Variants in FHL2 observed in about 807,000 individuals in gnomAD.
FHL2 encodes the protein four and a half LIM domains protein 2.
Under a neutral mutation model 32.7 loss-of-function variants are expected in FHL2, and 20 were observed. The ratio of observed to expected loss-of-function variants is 0.61; its 90% CI spans 0.43 to 0.89. The LOEUF is 0.89. FHL2 is among the 40% of genes least tolerant of loss of function. The pLI is 0.00. For synonymous variants in FHL2, 123 were observed against 128.1 expected (o/e 0.96, Z 0.27); for missense variants, 311 against 358.6 (o/e 0.87, Z 1.07).
At chr2:105,402,124 TACATATAC>T (rs986259627), upstream of FHL2, among the ~76,000 whole-genome samples, 3 of 149,634 alleles carry the variant, frequency 2.0e-5, no homozygotes, top group African/African-American at 4.9e-5. Context: ...TATACATATA[TACATATAC>T]ACATATACAC....
upstream of FHL2, among the ~76,000 whole-genome samples, chr2:105,403,337 A>T (rs1310465174): frequency 6.6e-6 from 1 of 152,230 alleles, no homozygotes; most frequent in Non-Finnish European, 1.5e-5. Context: ...AAATAAAAAC[A>T]AAAAGTACTA....
intron 1 of FHL2, among the ~76,000 whole-genome samples, chr2:105,406,631 G>C (rs756075473): frequency 6.6e-6 from 1 of 152,122 alleles, no homozygotes. Flanking sequence ...CTGGTCCCTT[G>C]AATTTCCAGG....
intron 3 of FHL2, among the ~76,000 whole-genome samples, chr2:105,383,811 C>T (rs6733036): frequency 0.13 from 19,772 of 152,228 alleles, 1,416 homozygotes; most frequent in Middle Eastern, 0.18. Flanking sequence ...AAGAAAAGCA[C>T]GCCTAAAGCA....
chr2:105,410,420 A>T (rs1286037287), intron 1 of FHL2, among the ~76,000 whole-genome samples: 1 of 152,068 alleles, frequency 6.6e-6, no homozygotes, highest in Non-Finnish European at 1.5e-5. Context: ...TGGAGAGGTG[A>T]GAGTTAAACT....
At chr2:105,374,856 T>C (rs1046207372) in intron 3 of FHL2, among the ~76,000 whole-genome samples, 6 of 152,252 alleles carry the variant, frequency 3.9e-5, no homozygotes, top group African/African-American at 1.2e-4. Flanking sequence ...ATCATCCATT[T>C]ATACATGAGG....
upstream of FHL2, chr2:105,399,089 C>G (rs1006746394): frequency 1.3e-5 from 19 of 1,485,750 alleles, no homozygotes; most frequent in African/African-American, 2.5e-4. Context: ...GAAACCCCGC[C>G]GTGTCATTTG....
chr2:105,425,500 T>G (rs1684234831), intron 1 of FHL2, among the ~76,000 whole-genome samples: 1 of 151,388 alleles, frequency 6.6e-6, no homozygotes, highest in African/African-American at 2.4e-5. Context: ...TGAGGTGGAT[T>G]AGTAAAAGAG....
upstream of FHL2, chr2:105,399,422 G>C: frequency 6.5e-7 from 1 of 1,536,192 alleles, no homozygotes; most frequent in Middle Eastern, 1.7e-4. Context: ...CGTGCCGGGG[G>C]AGGCGGAGGG....
At chr2:105,358,215 G>C (rs994226520), downstream of FHL2, 1 of 152,148 alleles carries the variant, frequency 6.6e-6, no homozygotes, top group African/African-American at 2.4e-5. Context: ...AAGATTTCTC[G>C]TTCTCCGTAC....
intron 1 of FHL2, among the ~76,000 whole-genome samples, chr2:105,436,969 A>T (rs762048971): frequency 6.6e-6 from 1 of 152,154 alleles, no homozygotes; most frequent in Non-Finnish European, 1.5e-5. Context: ...GAAAGAGTGC[A>T]GGTCCCTGTG....
At chr2:105,380,798 C>A (rs116735769) in intron 3 of FHL2, among the ~76,000 whole-genome samples, 1,777 of 152,212 alleles carry the variant, frequency 0.012, 40 homozygotes, top group African/African-American at 0.041. Flanking sequence ...AAAAAAAAGT[C>A]TTTTATACTT....
chr2:105,374,056 AC>A, intron 3 of FHL2: 1 of 355,530 alleles, frequency 2.8e-6, no homozygotes, highest in Non-Finnish European at 5.3e-6. Context: ...AAACATGAAC[AC>A]CTATCAATTC....
chr2:105,370,212 C>CCG, intron 4 of FHL2, among the ~76,000 whole-genome samples: 1 of 151,838 alleles, frequency 6.6e-6, no homozygotes, highest in South Asian at 2.1e-4. Flanking sequence ...GTCTCTACCC[C>CCG]CCCAAAAAAA....
At chr2:105,369,381 C>T (rs1319872572) in intron 4 of FHL2, among the ~76,000 whole-genome samples, 2 of 152,116 alleles carry the variant, frequency 1.3e-5, no homozygotes, top group African/African-American at 2.4e-5. Context: ...AAATGTCTGT[C>T]CTCCAGTAAT....
chr2:105,396,457 C>G (rs1683136452), intron 2 of FHL2, among the ~76,000 whole-genome samples, 190 bp downstream of exon 2: 1 of 152,188 alleles, frequency 6.6e-6, no homozygotes. Context: ...GGAGAGCAGC[C>G]TGCTTTACTC....
chr2:105,394,267 A>T (rs375842742), intron 2 of FHL2, among the ~76,000 whole-genome samples: 1 of 152,180 alleles, frequency 6.6e-6, no homozygotes, highest in African/African-American at 2.4e-5. Flanking sequence ...TTGCTGTTTT[A>T]TAAACTAGAA....
At chr2:105,433,733 G>T (rs1228367493) in intron 1 of FHL2, among the ~76,000 whole-genome samples, 1 of 152,116 alleles carries the variant, frequency 6.6e-6, no homozygotes, top group East Asian at 1.9e-4. Flanking sequence ...CACACCATGA[G>T]CACTCGAACG....
intron 3 of FHL2, among the ~76,000 whole-genome samples, chr2:105,381,871 G>A (rs1398137047): frequency 2.0e-5 from 3 of 152,058 alleles, no homozygotes; most frequent in Non-Finnish European, 4.4e-5. Flanking sequence ...ACTGGAGTAG[G>A]TGCTCTTCCC....
At chr2:105,434,846 A>G (rs953113671) in intron 1 of FHL2, among the ~76,000 whole-genome samples, 3 of 152,060 alleles carry the variant, frequency 2.0e-5, no homozygotes, top group Non-Finnish European at 4.4e-5. Context: ...GGGCTCAACC[A>G]ATCCTCTCAC....
Sources: gnomAD v4.1 joint callset for allele counts (sites outside exome capture counted in the v4.1 genomes callset) on GRCh38, gnomAD v4.1.1 for gene constraint, MANE v1.5 for transcripts, NCBI Gene and HGNC (gene_info 2026-07-23, HGNC 2026-07-21) for gene names.